The following KIAA0040 variants were observed in gnomAD, a reference collection of about 807,000 sequenced individuals.
The protein encoded by KIAA0040 is uncharacterized protein KIAA0040.
KIAA0040 carries 10 observed loss-of-function variants against 7.2 expected under a neutral mutation model. That is an observed-to-expected ratio of 1.38 (90% CI 0.85 to 2.34). KIAA0040 has a LOEUF of 2.34. Among genes scored for constraint, KIAA0040 ranks in the 30% most tolerant of loss-of-function variants. The probability of loss-of-function intolerance (pLI) is 0.00; values close to 1 mark genes in which losing one functional copy is unlikely to be tolerated. For synonymous variants in KIAA0040, 49 were observed against 40.1 expected, an observed-to-expected ratio of 1.22 and a Z score of -0.84; for missense variants, 89 against 108.2, an observed-to-expected ratio of 0.82 and a Z score of 0.79.
intron 2 of KIAA0040, among the ~76,000 whole-genome samples, chr1:175,175,635 A>G (rs1200017555): frequency 6.6e-6 from 1 of 152,262 alleles, no homozygotes; most frequent in East Asian, 1.9e-4. Context: ...CCAAATGTCC[A>G]TCAATGATAG....
intron 3 of KIAA0040, among the ~76,000 whole-genome samples, chr1:175,162,881 C>T (rs1340545515): frequency 6.6e-6 from 1 of 152,146 alleles, no homozygotes; most frequent in Admixed American, 6.5e-5. Context: ...CCATGGAGCC[C>T]AAAGAAATGT....
At chr1:175,172,985 C>T (rs752801946) in intron 2 of KIAA0040, among the ~76,000 whole-genome samples, 1 of 152,160 alleles carries the variant, frequency 6.6e-6, no homozygotes, top group Non-Finnish European at 1.5e-5. Context: ...TTATTTTGCT[C>T]TAATTAGAGT....
At chr1:175,190,769 C>G (rs1179045748) in intron 1 of KIAA0040, among the ~76,000 whole-genome samples, 1 of 152,186 alleles carries the variant, frequency 6.6e-6, no homozygotes, top group African/African-American at 2.4e-5. Context: ...GCCAATAATT[C>G]TTTTTCCAAA....
At chr1:175,166,925 A>G (rs1205254481) in intron 2 of KIAA0040, among the ~76,000 whole-genome samples, 188 bp from the exon 3 acceptor site, 7 of 152,146 alleles carry the variant, frequency 4.6e-5, no homozygotes, top group Non-Finnish European at 5.9e-5. Flanking sequence ...GCAGTGACTA[A>G]TTACAGAGAA....
chr1:175,192,149 G>A (rs570228176), intron 1 of KIAA0040, among the ~76,000 whole-genome samples: 61 of 152,224 alleles, frequency 4.0e-4, no homozygotes, highest in Middle Eastern at 3.4e-3. Context: ...AAGCTCCCTG[G>A]AAACTCTCAG....
intron 3 of KIAA0040, among the ~76,000 whole-genome samples, chr1:175,162,844 T>C (rs1204722481): frequency 1.3e-5 from 2 of 152,224 alleles, no homozygotes; most frequent in African/African-American, 4.8e-5. Context: ...AGCGTACAAA[T>C]TGGCACCTAC....
chr1:175,170,643 A>G (rs186233336), intron 2 of KIAA0040, among the ~76,000 whole-genome samples: 2 of 151,936 alleles, frequency 1.3e-5, no homozygotes, highest in African/African-American at 4.8e-5. Context: ...CCCCACCCCT[A>G]CCTCATCAGC....
chr1:175,160,953 C>A lies in KIAA0040; in HGVS notation c.61G>T (p.Glu21Ter). The change falls in exon 4 of 4, where the codon GAA (glutamate) becomes TAA (stop). Residue 21 changes from glutamate (E) to a stop codon, truncating the protein, a stop_gained. Transcript: ENST00000423313. LOFTEE classifies it high-confidence loss of function. Reference protein sequence around the residue: ...IWDTILTKHQEGIYNTICLGV... With the variant: ...IWDTILTKHQ The stretch of plus-strand genomic sequence containing the variant: ...AGGCAGATGGTGTTGTAGATGCCTT[C>A]TTGGTGTTTGGTCAAGATGGTGTCC... 6.4e-7 allele frequency: 1 copy of A among 1,551,534 alleles called. No homozygotes were observed. Among genetic ancestry groups the A allele is most frequent in the South Asian group, 1.2e-5 (1 of 84,026 alleles).
At chr1:175,171,172 TGGA>T (rs1558393429) in intron 2 of KIAA0040, among the ~76,000 whole-genome samples, 1 of 152,228 alleles carries the variant, frequency 6.6e-6, no homozygotes, top group Non-Finnish European at 1.5e-5. Flanking sequence ...CTTTTTCTAA[TGGA>T]GTATGGTTAT....
At position 175,158,097 on chromosome 1, in the gene KIAA0040, T is replaced by G. The variant is rs2101867553; in HGVS notation, c.*2617A>C. The G allele has an allele frequency of 6.6e-6, 1 of 152,442 alleles. No homozygotes were observed. The highest frequency in any genetic ancestry group is 1.9e-4 in the East Asian group (1 of 5,178). 9.4% of individuals were successfully genotyped at this position (152,442 alleles called of 1,614,324 possible). ...AAGAGAGTGGATATCAACAATGGCCTTAGGCTCCTTTCATGCACCTGTTTA... is the reference window on the plus strand; with the variant it reads ...AAGAGAGTGGATATCAACAATGGCCGTAGGCTCCTTTCATGCACCTGTTTA... On this transcript the variant is annotated 3_prime_UTR_variant, in exon 4 of 4. Coordinates refer to ENST00000423313, the MANE Select transcript of KIAA0040 (RefSeq NM_014656.3).
intron 1 of KIAA0040, among the ~76,000 whole-genome samples, chr1:175,184,191 GA>G (rs1677561365): frequency 1.3e-5 from 2 of 152,218 alleles, no homozygotes; most frequent in Admixed American, 1.3e-4. Context: ...TGCCAACTGA[GA>G]TGAATTGGCA....
chr1:175,178,047 T>C (rs1168096582), intron 1 of KIAA0040, among the ~76,000 whole-genome samples: 1 of 152,232 alleles, frequency 6.6e-6, no homozygotes, highest in Non-Finnish European at 1.5e-5. Context: ...TTTGCTCCAA[T>C]GTTGGGAGGT....
In KIAA0040 at chr1:175,160,675, C is replaced by T. The variant is rs1489919767; in HGVS notation, c.*39G>A. 5.3e-6 allele frequency: 8 copies of T among 1,507,812 alleles called. No homozygotes were observed. Among genetic ancestry groups the T allele is most frequent in the Non-Finnish European group, 6.2e-6 (7 of 1,128,504 alleles). 93.4% of individuals were successfully genotyped at this position (1,507,812 alleles called of 1,614,324 possible). ...ATGTCTGTGTGTGGTCAGAAGGAGG[C>T]TTAGCCCCAGAAAGGAAACACCTCT... On this transcript the variant is annotated 3_prime_UTR_variant, in exon 4 of 4. Transcript: ENST00000423313.
At chr1:175,166,072 G>C (rs112865678) in intron 3 of KIAA0040, among the ~76,000 whole-genome samples, 1 of 152,088 alleles carries the variant, frequency 6.6e-6, no homozygotes, top group Non-Finnish European at 1.5e-5. Context: ...CTTCTTGTAG[G>C]GGGAGGTGGG....
chr1:175,185,320 G>C (rs1036745580), intron 1 of KIAA0040, among the ~76,000 whole-genome samples: 3 of 152,190 alleles, frequency 2.0e-5, no homozygotes, highest in Admixed American at 2.0e-4. Context: ...AATAGGTAAA[G>C]TGCTTAATGT....
At chr1:175,180,842 G>C (rs1418702174) in intron 1 of KIAA0040, among the ~76,000 whole-genome samples, 1 of 152,136 alleles carries the variant, frequency 6.6e-6, no homozygotes, top group African/African-American at 2.4e-5. Flanking sequence ...TGACTTCTTG[G>C]TGTTCTTGAT....
chr1:175,165,058 G>A (rs1676703909), intron 3 of KIAA0040, among the ~76,000 whole-genome samples: 1 of 152,232 alleles, frequency 6.6e-6, no homozygotes, highest in Admixed American at 6.5e-5. Context: ...CGAGAGGACA[G>A]AGAAGAGGGG....
rs923343705 is a variant in KIAA0040 at position 175,158,749 on chromosome 1, G to C, written c.*1965C>G. ...GGTCAAAGGGGTTGATGAGTGGGAGGCCTGAGTGCTTAGGCAGTTTATGGC... is the reference window on the plus strand; with the variant it reads ...GGTCAAAGGGGTTGATGAGTGGGAGCCCTGAGTGCTTAGGCAGTTTATGGC... On this transcript the variant is annotated 3_prime_UTR_variant, in exon 4 of 4. Coordinates refer to ENST00000423313, the MANE Select transcript of KIAA0040 (RefSeq NM_014656.3). 5.3e-5 allele frequency: 8 copies of C among 152,322 alleles called. No homozygotes were observed. Among genetic ancestry groups the C allele is most frequent in the Admixed American group, 2.6e-4 (4 of 15,304 alleles). The allele number at this position is 152,322 out of a possible 1,614,324, so 9.4% of individuals were successfully genotyped here. A position where few individuals can be genotyped will look rare whatever the true frequency, so the allele number is the denominator to read the frequency against.
intron 1 of KIAA0040, among the ~76,000 whole-genome samples, chr1:175,186,877 T>C (rs2101910750): frequency 6.6e-6 from 1 of 152,230 alleles, no homozygotes; most frequent in South Asian, 2.1e-4. Context: ...CCTTTCCCAG[T>C]GGAGTTTCAT....
Sources: allele counts gnomAD v4.1 joint callset (sites outside exome capture counted in the v4.1 genomes callset), GRCh38; gene constraint gnomAD v4.1.1; transcripts MANE v1.5; gene names NCBI Gene and HGNC (gene_info 2026-07-23, HGNC 2026-07-21).